CNTN4: variants seen among roughly 807,000 people sequenced by gnomAD.
The protein encoded by CNTN4 is contactin 4, also known as contactin-4.
CNTN4 carries 77 observed loss-of-function variants against 122.5 expected under a neutral mutation model. The observed-to-expected ratio is 0.63, with a 90% CI of 0.52 to 0.76. CNTN4 has a LOEUF of 0.76. Among genes scored for constraint, CNTN4 ranks in the 30% least tolerant of loss-of-function variants. CNTN4 has a pLI of 0.00. For missense variants in CNTN4, 1,256 were observed against 1,259.1 expected (o/e 1.00, Z 0.04); for synonymous variants, 512 against 447.0 (o/e 1.15, Z -1.83).
chr3:2,338,801 A>G (rs1163495197), intron 2 of CNTN4, among the ~76,000 whole-genome samples: 1 of 152,090 alleles, frequency 6.6e-6, no homozygotes, highest in African/African-American at 2.4e-5. Context: ...GTCTCCATTT[A>G]TTGCTCAATT....
At chr3:2,648,325 T>G (rs188593795) in intron 4 of CNTN4, among the ~76,000 whole-genome samples, 4 of 151,854 alleles carry the variant, frequency 2.6e-5, no homozygotes, top group Admixed American at 6.6e-5. Flanking sequence ...AGATTTTGAG[T>G]TTTTTTTGCA....
chr3:2,721,379 C>T (rs1344340048), intron 4 of CNTN4, among the ~76,000 whole-genome samples: 1 of 152,186 alleles, frequency 6.6e-6, no homozygotes, highest in African/African-American at 2.4e-5. Context: ...TTTGGGGCCT[C>T]ACTGTATTTG....
chr3:2,815,096 A>T (rs915326153), intron 6 of CNTN4, among the ~76,000 whole-genome samples: 1 of 152,214 alleles, frequency 6.6e-6, no homozygotes, highest in African/African-American at 2.4e-5. Flanking sequence ...CTGAAAATGG[A>T]TTAAGGACTT....
At chr3:2,112,397 T>G (rs2033032357) in intron 2 of CNTN4, among the ~76,000 whole-genome samples, 1 of 152,238 alleles carries the variant, frequency 6.6e-6, no homozygotes, top group Non-Finnish European at 1.5e-5. Context: ...GCAGTCACTT[T>G]ATAGGTGCTT....
chr3:2,707,666 C>T (rs2086825105), intron 4 of CNTN4, among the ~76,000 whole-genome samples: 1 of 151,816 alleles, frequency 6.6e-6, no homozygotes, highest in Admixed American at 6.6e-5. Context: ...TGTTTTGAGG[C>T]AGGGTCATGC....
At chr3:2,279,383 A>G (rs1038408690) in intron 2 of CNTN4, among the ~76,000 whole-genome samples, 3 of 152,188 alleles carry the variant, frequency 2.0e-5, no homozygotes, top group African/African-American at 7.2e-5. Flanking sequence ...AACTTTCACA[A>G]TGTAGTCTAG....
At chr3:2,925,351 C>T (rs1008682246) in intron 12 of CNTN4, among the ~76,000 whole-genome samples, 2 of 151,918 alleles carry the variant, frequency 1.3e-5, no homozygotes, top group African/African-American at 2.4e-5. Context: ...GTCAAGAGCT[C>T]GAGACCATCC....
intron 2 of CNTN4, among the ~76,000 whole-genome samples, chr3:2,191,703 TATATATAC>T (rs1254163067): frequency 7.0e-6 from 1 of 141,852 alleles, no homozygotes; most frequent in Non-Finnish European, 1.5e-5. Context: ...TGTATATATA[TATATATAC>T]ACACACACAC....
intron 3 of CNTN4, among the ~76,000 whole-genome samples, chr3:2,481,028 T>TTTC (rs2075977732): frequency 1.0e-5 from 1 of 100,154 alleles, no homozygotes; most frequent in Non-Finnish European, 2.3e-5. Context: ...TTTCTTTTCT[T>TTTC]TTTCTTTTCT....
At chr3:2,150,072 C>T (rs546112708) in intron 2 of CNTN4, among the ~76,000 whole-genome samples, 2 of 150,478 alleles carry the variant, frequency 1.3e-5, no homozygotes, top group Admixed American at 6.6e-5. Context: ...ATCTAATATT[C>T]TACAAGATGC....
chr3:2,708,324 CA>C (rs2086865458), intron 4 of CNTN4, among the ~76,000 whole-genome samples: 1 of 151,976 alleles, frequency 6.6e-6, no homozygotes, highest in Non-Finnish European at 1.5e-5. Context: ...GGGTTTCCAA[CA>C]AAAAGTAATC....
intron 4 of CNTN4, among the ~76,000 whole-genome samples, chr3:2,627,138 T>C (rs892205600): frequency 2.0e-5 from 3 of 152,184 alleles, no homozygotes; most frequent in African/African-American, 7.2e-5. Flanking sequence ...GGACTTTTAG[T>C]GCTGAAACCA....
chr3:2,624,777 G>A (rs987833286), intron 4 of CNTN4, among the ~76,000 whole-genome samples: 4 of 151,420 alleles, frequency 2.6e-5, no homozygotes, highest in African/African-American at 7.3e-5. Flanking sequence ...GACTATAGGC[G>A]CATACTACCA....
intron 4 of CNTN4, among the ~76,000 whole-genome samples, chr3:2,635,894 A>G (rs1040705336): frequency 6.6e-6 from 1 of 152,148 alleles, no homozygotes; most frequent in African/African-American, 2.4e-5. Flanking sequence ...CCTCTGGACA[A>G]TGAGACACCA....
chr3:2,957,311 C>T (rs1447833008), intron 13 of CNTN4, among the ~76,000 whole-genome samples: 1 of 151,986 alleles, frequency 6.6e-6, no homozygotes, highest in African/African-American at 2.4e-5. Context: ...TGTCTCTTGT[C>T]TTTTTCATAG....
At chr3:2,402,291 T>A (rs1248520429) in intron 3 of CNTN4, among the ~76,000 whole-genome samples, 1 of 152,112 alleles carries the variant, frequency 6.6e-6, no homozygotes, top group East Asian at 1.9e-4. Context: ...GGATAAATAT[T>A]GGGACTTAGA....
chr3:2,458,500 A>T (rs533042061), intron 3 of CNTN4, among the ~76,000 whole-genome samples: 10 of 152,140 alleles, frequency 6.6e-5, no homozygotes, highest in African/African-American at 2.2e-4. Context: ...AAGTTTAAAG[A>T]TATTAATTAA....
chr3:2,429,578 G>C (rs1396495069), intron 3 of CNTN4, among the ~76,000 whole-genome samples: 4 of 152,214 alleles, frequency 2.6e-5, no homozygotes, highest in East Asian at 1.9e-4. Context: ...CTCAAACTCC[G>C]TGCTGGGAGA....
intron 13 of CNTN4, among the ~76,000 whole-genome samples, chr3:2,965,515 T>C (rs1692218014): frequency 1.3e-5 from 2 of 152,230 alleles, no homozygotes; most frequent in African/African-American, 4.8e-5. Context: ...TAAGTTTAAG[T>C]AGCCACATTT....
Sources: allele counts gnomAD v4.1 joint callset (sites outside exome capture counted in the v4.1 genomes callset), GRCh38; gene constraint gnomAD v4.1.1; transcripts MANE v1.5; gene names NCBI Gene and HGNC (gene_info 2026-07-23, HGNC 2026-07-21).